CATSPERD: variants seen among roughly 807,000 people sequenced by gnomAD.
CATSPERD encodes the protein cation channel sperm-associated auxiliary subunit delta.
In CATSPERD, 86 loss-of-function variants were observed where a neutral mutation model predicts 98.1. The ratio of observed to expected loss-of-function variants is 0.88; its 90% CI spans 0.74 to 1.05. CATSPERD has a LOEUF of 1.05. CATSPERD is among the 50% of genes least tolerant of loss of function. The pLI, the probability that CATSPERD is intolerant of heterozygous loss-of-function variation, is 0.00. For synonymous variants in CATSPERD, 394 were observed against 390.2 expected, an observed-to-expected ratio of 1.01 and a Z score of -0.12; for missense variants, 995 against 1,005.7, an observed-to-expected ratio of 0.99 and a Z score of 0.14.
intron 21 of CATSPERD, among the ~76,000 whole-genome samples, chr19:5,777,217 T>C (rs2056754460): frequency 6.6e-6 from 1 of 151,208 alleles, no homozygotes; most frequent in African/African-American, 2.4e-5. Flanking sequence ...AAAAAACACG[T>C]GGAGGTCCTG....
In CATSPERD at chr19:5,720,999, C is replaced by CTT. The variant is rs754682545; in HGVS notation, c.71+207_71+208dup. On this transcript the variant is annotated intron_variant, in intron 1 of 21. Transcript: ENST00000381624. ...AGCCCGATATTAAGCTCTCCTACCT[C>CTT]TTTTTTTTTTTTTTTTTGAGACGGA... Among the ~76,000 whole-genome samples, 106 of 138,734 alleles carry CTT rather than the reference C, an allele frequency of 7.6e-4. 2 individuals carry two copies. Among genetic ancestry groups the CTT allele is most frequent in the African/African-American group, 2.0e-3 (73 of 36,770 alleles). The allele number at this position is 138,734 out of a possible 152,430, so 91.0% of individuals were successfully genotyped here.
rs557632783 is a variant in CATSPERD at position 5,723,082 on chromosome 19, G to A, written c.72-1726G>A. Among the ~76,000 whole-genome samples the A allele has an allele frequency of 2.0e-5, 3 of 151,130 alleles. No individual in the cohort carries two copies. In the East Asian group the frequency reaches 6.0e-4, roughly 30 times the overall value. On this transcript the variant is annotated intron_variant, in intron 1 of 21. Transcript: ENST00000381624. ...GGCGCTTGTAGTCCCAGCTACTCGG[G>A]AGGCTGAGGCAGGAGAATGGCGTGA...
chr19:5,769,020 G>A (rs1351692030), intron 18 of CATSPERD, among the ~76,000 whole-genome samples: 1 of 151,938 alleles, frequency 6.6e-6, no homozygotes, highest in African/African-American at 2.4e-5. Flanking sequence ...CAGGCATGGT[G>A]GTGGGCACCT....
chr19:5,722,258 A>C (rs2055502542), intron 1 of CATSPERD, among the ~76,000 whole-genome samples: 1 of 151,804 alleles, frequency 6.6e-6, no homozygotes, highest in Non-Finnish European at 1.5e-5. Context: ...AGTAGTTGGG[A>C]TTATGGGCGC....
intron 11 of CATSPERD, among the ~76,000 whole-genome samples, chr19:5,750,284 T>TA (rs907444746): frequency 4.0e-4 from 59 of 147,410 alleles, no homozygotes; most frequent in South Asian, 8.7e-4. Context: ...CCGTCTCTAC[T>TA]AAAAAAAATA....
At chr19:5,733,438 T>C (rs780778140) in intron 4 of CATSPERD, among the ~76,000 whole-genome samples, 3 of 150,176 alleles carry the variant, frequency 2.0e-5, no homozygotes, top group Non-Finnish European at 4.4e-5. Context: ...TCCTCCTTTC[T>C]TTCTTTCTTT....
At chr19:5,720,865 G>A in intron 1 of CATSPERD, 57 bp downstream of exon 1, 1 of 1,462,958 alleles carries the variant, frequency 6.8e-7, no homozygotes, top group Non-Finnish European at 9.3e-7. Context: ...GAGGGTGCTG[G>A]TTCATCTTGG....
At chr19:5,774,754 C>G (rs1318965354) in intron 20 of CATSPERD, among the ~76,000 whole-genome samples, 1 of 151,960 alleles carries the variant, frequency 6.6e-6, no homozygotes, top group East Asian at 1.9e-4. Flanking sequence ...CTGTGGCTCA[C>G]GCCTGTAATC....
intron 2 of CATSPERD, 81 bp from the exon 3 acceptor site, chr19:5,727,185 ACT>A (rs2055621436): frequency 9.5e-7 from 1 of 1,048,220 alleles, no homozygotes. Flanking sequence ...ACAGAGCGAG[ACT>A]CTTGTCTCAA....
chr19:5,762,340 A>C (rs1373310878), intron 15 of CATSPERD, among the ~76,000 whole-genome samples: 2 of 151,906 alleles, frequency 1.3e-5, no homozygotes, highest in African/African-American at 2.4e-5. Flanking sequence ...CTGAGATTAC[A>C]GGCATGACCC....
At chr19:5,731,766 G>A (rs2055729543) in intron 4 of CATSPERD, among the ~76,000 whole-genome samples, 2 of 149,850 alleles carry the variant, frequency 1.3e-5, no homozygotes, top group Admixed American at 1.3e-4. Context: ...TAGTAGAGAC[G>A]GGGTTTCACC....
Position 5,763,222 on chromosome 19 carries a change from A to C in CATSPERD, c.1435A>C (p.Lys479Gln), listed in dbSNP as rs780270708. 1.2e-6 allele frequency: 2 copies of C among 1,614,120 alleles called. No homozygotes were observed. Among genetic ancestry groups the C allele is most frequent in the Non-Finnish European group, 1.7e-6 (2 of 1,179,992 alleles). The change falls in exon 16 of 22, where the codon AAA (lysine) becomes CAA (glutamine). Residue 479 changes from lysine to glutamine, a missense_variant. Around this residue, in one of 3 missense-constraint regions of CATSPERD, gnomAD observed 762 missense variants for 773.7 expected, o/e 0.98. Coordinates refer to ENST00000381624, the MANE Select transcript of CATSPERD (RefSeq NM_152784.4). ...GGTTCCGTTGCCTTGCAGTTTAAAG[A>C]AAGCCACCATGTCTACCTTAACTGT... Reference protein sequence around the residue: ...TDSNFTSSLKKATMSTLTVDI... With the variant: ...TDSNFTSSLKQATMSTLTVDI...
chr19:5,746,155 C>T lies in CATSPERD; in HGVS notation c.808+92C>T, dbSNP rs547957312. ...TGGATAAGGGGAGGGGAAGGAGCAA[C>T]CCCTCGACCACTCGGTTATTTTTTC... On this transcript the variant is annotated intron_variant, in intron 9 of 21. Coordinates refer to ENST00000381624, the MANE Select transcript of CATSPERD (RefSeq NM_152784.4). 6.7e-6 allele frequency: 9 copies of T among 1,347,114 alleles called. No homozygotes were observed. The Admixed American group carries it at 1.6e-4, about 24-fold the overall frequency. 83.4% of individuals were successfully genotyped at this position (1,347,114 alleles called of 1,614,324 possible).
At chr19:5,753,090 T>A (rs1253386885) in intron 12 of CATSPERD, among the ~76,000 whole-genome samples, 1 of 150,430 alleles carries the variant, frequency 6.6e-6, no homozygotes, top group East Asian at 2.0e-4. Flanking sequence ...TCCAGGTTGG[T>A]CTCAAACCCC....
At position 5,754,201 on chromosome 19, in the gene CATSPERD, A is replaced by G; in HGVS notation, c.1234A>G (p.Thr412Ala). The stretch of plus-strand genomic sequence containing the variant: ...TGACATGCACAGCCAGCTGGAATTG[A>G]CTGCTTCGTTGATACCCCAGCCAGG... ...TIDMHSQLEL[T>A]ASLIPQPGTS... Residue 412 changes from threonine to alanine, a missense_variant, in exon 13 of 22, where the codon ACT (threonine) becomes GCT (alanine). Physicochemically the swap from Thr to Ala is moderately conservative, Grantham distance 58. Coordinates refer to ENST00000381624, the MANE Select transcript of CATSPERD (RefSeq NM_152784.4). The G allele has an allele frequency of 6.2e-7, 1 of 1,613,948 alleles. No individual in the cohort carries two copies. The highest frequency in any genetic ancestry group is 8.5e-7 in the Non-Finnish European group (1 of 1,179,914).
chr19:5,772,712 T>C, intron 19 of CATSPERD, 76 bp from the exon 20 acceptor site: 1 of 1,503,042 alleles, frequency 6.7e-7, no homozygotes, highest in Non-Finnish European at 9.0e-7. Context: ...TTTGCAGCCG[T>C]CCAGGTGGCT....
chr19:5,738,463 C>G (rs1269080605), intron 6 of CATSPERD, among the ~76,000 whole-genome samples: 1 of 151,828 alleles, frequency 6.6e-6, no homozygotes, highest in Non-Finnish European at 1.5e-5. Context: ...GCCCAGAAGG[C>G]GCAGGTTATA....
chr19:5,756,908 A>G (rs541264778), intron 13 of CATSPERD, among the ~76,000 whole-genome samples: 2 of 151,976 alleles, frequency 1.3e-5, no homozygotes, highest in Non-Finnish European at 2.9e-5. Flanking sequence ...TCACCACTGC[A>G]CTGCAGCCTG....
chr19:5,722,561 G>T (rs1230415997), intron 1 of CATSPERD, among the ~76,000 whole-genome samples: 4 of 152,252 alleles, frequency 2.6e-5, no homozygotes, highest in Admixed American at 6.6e-5. Flanking sequence ...TGAAAATGTG[G>T]GTTATATCCA....
Sources: allele counts gnomAD v4.1 joint callset (sites outside exome capture counted in the v4.1 genomes callset), GRCh38; gene constraint gnomAD v4.1.1; regional missense constraint gnomAD v4.1.1; transcripts MANE v1.5; gene names NCBI Gene and HGNC (gene_info 2026-07-23, HGNC 2026-07-21).